TECRL: variants seen among roughly 807,000 people sequenced by gnomAD.
TECRL encodes the protein trans-2,3-enoyl-CoA reductase-like.
TECRL carries 63 observed loss-of-function variants against 52.8 expected under a neutral mutation model. The ratio of observed to expected loss-of-function variants is 1.19; its 90% CI spans 0.97 to 1.47. The LOEUF is 1.47. TECRL is among the 40% of genes most tolerant of loss of function. The probability of loss-of-function intolerance (pLI) is 0.00; values close to 1 mark genes in which losing one functional copy is unlikely to be tolerated. For missense variants in TECRL, 482 were observed against 429.6 expected (o/e 1.12, Z -1.08); for synonymous variants, 164 against 141.9 (o/e 1.16, Z -1.10).
intron 8 of TECRL, among the ~76,000 whole-genome samples, chr4:64,296,917 C>T (rs891417177): frequency 4.0e-5 from 6 of 151,444 alleles, no homozygotes; most frequent in African/African-American, 1.2e-4. Flanking sequence ...TTTGATTCTC[C>T]TTAATTTTTC....
intron 7 of TECRL, among the ~76,000 whole-genome samples, chr4:64,302,701 T>C (rs1025678044): frequency 1.3e-5 from 2 of 151,386 alleles, no homozygotes; most frequent in African/African-American, 4.8e-5. Context: ...TTGTCTGTTT[T>C]GTAATCTTAA....
chr4:64,358,019 T>C (rs1720896514), intron 2 of TECRL, among the ~76,000 whole-genome samples: 1 of 151,590 alleles, frequency 6.6e-6, no homozygotes, highest in Non-Finnish European at 1.5e-5. Flanking sequence ...CAAAATAGAG[T>C]CTAATACTAA....
At chr4:64,328,646 C>A in intron 2 of TECRL, 90 bp from the exon 3 acceptor site, 1 of 1,122,258 alleles carries the variant, frequency 8.9e-7, no homozygotes, top group East Asian at 2.4e-5. Flanking sequence ...CCATTTAGAT[C>A]TAGGAAGTAA....
chr4:64,404,948 A>G (rs1217730144), intron 1 of TECRL, among the ~76,000 whole-genome samples: 1 of 152,098 alleles, frequency 6.6e-6, no homozygotes, highest in East Asian at 1.9e-4. Context: ...TTCAACACAT[A>G]TTGTTTAAAC....
rs370384281 is a variant in TECRL, at chr4:64,409,322, C to T, written c.30G>A (p.Ser10=). 1.2e-5 allele frequency: 19 copies of T among 1,613,434 alleles called. No individual in the cohort carries two copies. The Admixed American group carries it at 1.5e-4, about 13-fold the overall frequency. Residue 10 remains serine (S), a synonymous_variant, in exon 1 of 12, where the codon TCG becomes TCA. Coordinates refer to ENST00000381210, the MANE Select transcript of TECRL (RefSeq NM_001010874.5). MFKRHKSLA[S]ERKRALLSQR... ...GGGAAAGTAATGCTCTCTTGCGTTC[C>T]GAAGCGAGGGACTTGTGCCTTTTGA...
chr4:64,349,030 A>G (rs1226160096), intron 2 of TECRL, among the ~76,000 whole-genome samples: 1 of 149,602 alleles, frequency 6.7e-6, no homozygotes, highest in Non-Finnish European at 1.5e-5. Flanking sequence ...TTGTGTTTAA[A>G]TGTAATTCCT....
At chr4:64,383,840 T>G (rs891823559) in intron 1 of TECRL, among the ~76,000 whole-genome samples, 4 of 152,140 alleles carry the variant, frequency 2.6e-5, no homozygotes, top group African/African-American at 9.7e-5. Context: ...TCTGCAGATC[T>G]GATGTAACAG....
chr4:64,355,988 C>T (rs1305658232), intron 2 of TECRL, among the ~76,000 whole-genome samples: 1 of 152,044 alleles, frequency 6.6e-6, no homozygotes, highest in Non-Finnish European at 1.5e-5. Context: ...CCTTGAGATG[C>T]TGTTAATCTG....
At chr4:64,382,652 C>T (rs1325299892) in intron 1 of TECRL, among the ~76,000 whole-genome samples, 1 of 151,854 alleles carries the variant, frequency 6.6e-6, no homozygotes, top group Non-Finnish European at 1.5e-5. Context: ...AAGTTTGTAA[C>T]CTAATCAGCC....
chr4:64,396,831 T>A (rs1723988558), intron 1 of TECRL, among the ~76,000 whole-genome samples: 1 of 152,158 alleles, frequency 6.6e-6, no homozygotes, highest in African/African-American at 2.4e-5. Flanking sequence ...GATTTTTGTA[T>A]ATGGCGACAG....
intron 9 of TECRL, among the ~76,000 whole-genome samples, chr4:64,284,823 G>A (rs900878565): frequency 6.6e-6 from 1 of 152,040 alleles, no homozygotes; most frequent in Non-Finnish European, 1.5e-5. Flanking sequence ...TGAGACAGCT[G>A]GTGCAATGTC....
At chr4:64,344,329 G>T (rs886106807) in intron 2 of TECRL, among the ~76,000 whole-genome samples, 2 of 151,830 alleles carry the variant, frequency 1.3e-5, no homozygotes, top group African/African-American at 2.4e-5. Flanking sequence ...ATATATGGTA[G>T]ATAGATAGAT....
At chr4:64,364,066 G>C (rs1483118007) in intron 2 of TECRL, among the ~76,000 whole-genome samples, 1 of 151,928 alleles carries the variant, frequency 6.6e-6, no homozygotes, top group Non-Finnish European at 1.5e-5. Flanking sequence ...GTTACACTCA[G>C]AGCACAGCAA....
At chr4:64,362,973 G>C (rs961235118) in intron 2 of TECRL, among the ~76,000 whole-genome samples, 2 of 150,592 alleles carry the variant, frequency 1.3e-5, no homozygotes, top group Non-Finnish European at 2.9e-5. Context: ...GATAGTCATA[G>C]GATTAAAATA....
chr4:64,314,099 G>A (rs144008028), intron 5 of TECRL, among the ~76,000 whole-genome samples: 4,463 of 151,248 alleles, frequency 0.03, 99 homozygotes, highest in African/African-American at 0.064. Context: ...GCAGTGAGCC[G>A]AGATCAGGCC....
chr4:64,318,561 C>G (rs761134020), intron 4 of TECRL, among the ~76,000 whole-genome samples: 9 of 151,572 alleles, frequency 5.9e-5, no homozygotes, highest in Admixed American at 4.6e-4. Context: ...GTCAAATTGC[C>G]GATAACAAAA....
intron 2 of TECRL, among the ~76,000 whole-genome samples, chr4:64,341,632 C>G (rs1399992998): frequency 6.6e-6 from 1 of 152,112 alleles, no homozygotes; most frequent in Non-Finnish European, 1.5e-5. Context: ...AAAACATCCC[C>G]CTTGCTTGCC....
chr4:64,326,719 T>C (rs2084073945), intron 3 of TECRL, among the ~76,000 whole-genome samples: 1 of 152,098 alleles, frequency 6.6e-6, no homozygotes, highest in Non-Finnish European at 1.5e-5. Flanking sequence ...CTATCCAAGT[T>C]CAGCTAAATA....
At chr4:64,283,216 A>G (rs139043357) in intron 9 of TECRL, among the ~76,000 whole-genome samples, 413 of 152,160 alleles carry the variant, frequency 2.7e-3, no homozygotes, top group African/African-American at 9.5e-3. Context: ...ATCGCTCTCA[A>G]TTTCCTACCT....
Sources: allele counts gnomAD v4.1 joint callset (sites outside exome capture counted in the v4.1 genomes callset), GRCh38; gene constraint gnomAD v4.1.1; transcripts MANE v1.5; gene names NCBI Gene and HGNC (gene_info 2026-07-23, HGNC 2026-07-21).